Variants in HDAC9 observed in about 807,000 individuals in gnomAD.
HDAC9 encodes histone deacetylase 9, also known as MEF-2 interacting transcription repressor (MITR) protein.
HDAC9 carries 41 observed loss-of-function variants against 139.4 expected under a neutral mutation model. The ratio of observed to expected loss-of-function variants is 0.29; its 90% CI spans 0.23 to 0.38. The LOEUF (loss-of-function observed/expected upper bound fraction) is 0.38, where lower values mean the gene tolerates loss of function less well. Among genes scored for constraint, HDAC9 ranks in the 10% least tolerant of loss-of-function variants. The probability of loss-of-function intolerance (pLI) is 1.00; values close to 1 mark genes in which losing one functional copy is unlikely to be tolerated. For synonymous variants in HDAC9, 517 were observed against 476.2 expected (o/e 1.09, Z -1.12); for missense variants, 1,147 against 1,297.0 (o/e 0.88, Z 1.78).
rs778554579 is a variant in HDAC9 at position 18,585,498 on chromosome 7, G to T, written c.240G>T (p.Gln80His). Reference protein sequence around the residue: ...KQHENLTRQHQAQLQEHIKLQ... With the variant: ...KQHENLTRQHHAQLQEHIKLQ... ...ATGAGAACTTGACACGGCAGCACCA[G>T]GCTCAGCTTCAGGAGCATATCAAGG... The change falls in exon 3 of 26, where the codon CAG becomes CAT. Residue 80 changes from glutamine to histidine, a missense_variant. This residue lies in a region of HDAC9 where 136 missense variants were observed against 183.5 expected (regional missense o/e 0.74). Coordinates refer to ENST00000686413, the MANE Select transcript of HDAC9 (RefSeq NM_178425.4). The T allele has an allele frequency of 6.2e-7, 1 of 1,613,672 alleles. No homozygotes were observed. The highest frequency in any genetic ancestry group is 2.2e-5 in the East Asian group (1 of 44,892).
At chr7:18,439,482 T>G (rs1791538302) in intron 1 of HDAC9, among the ~76,000 whole-genome samples, 1 of 152,160 alleles carries the variant, frequency 6.6e-6, no homozygotes, top group Non-Finnish European at 1.5e-5. Context: ...ATCTCACGTC[T>G]GCTTCATCAG....
chr7:18,106,665 G>C (rs1489186099), intron 1 of HDAC9, among the ~76,000 whole-genome samples: 1 of 152,114 alleles, frequency 6.6e-6, no homozygotes, highest in Non-Finnish European at 1.5e-5. Context: ...TGTTAGCCAG[G>C]CTGGTCTTGA....
At chr7:18,140,224 T>C (rs1785797622) in intron 1 of HDAC9, among the ~76,000 whole-genome samples, 1 of 152,100 alleles carries the variant, frequency 6.6e-6, no homozygotes, top group Non-Finnish European at 1.5e-5. Context: ...GACCTTCTGA[T>C]AGGAAAACAG....
intron 17 of HDAC9, among the ~76,000 whole-genome samples, chr7:18,804,057 A>G (rs1328534972): frequency 6.6e-6 from 1 of 152,204 alleles, no homozygotes; most frequent in Admixed American, 6.5e-5. Context: ...TCATGTGAAA[A>G]TGTGTTATGG....
chr7:18,368,009 T>C (rs571663192), intron 1 of HDAC9, among the ~76,000 whole-genome samples: 1 of 152,112 alleles, frequency 6.6e-6, no homozygotes, highest in African/African-American at 2.4e-5. Context: ...CTACTTTCTT[T>C]TGAATTGTTT....
intron 1 of HDAC9, among the ~76,000 whole-genome samples, chr7:18,114,678 A>T (rs1174085122): frequency 6.6e-6 from 1 of 152,212 alleles, no homozygotes; most frequent in Non-Finnish European, 1.5e-5. Context: ...TTGAAAGGGA[A>T]CCAATATTAA....
chr7:18,890,627 A>G (rs749286280), intron 22 of HDAC9, among the ~76,000 whole-genome samples: 4 of 152,254 alleles, frequency 2.6e-5, no homozygotes, highest in Non-Finnish European at 4.4e-5. Context: ...GCTCAAGATA[A>G]ATACAAAGAA....
At chr7:18,131,069 C>T (rs1584228407) in intron 1 of HDAC9, among the ~76,000 whole-genome samples, 1 of 152,104 alleles carries the variant, frequency 6.6e-6, no homozygotes, top group Non-Finnish European at 1.5e-5. Flanking sequence ...TGTGCTCTTT[C>T]ACCTAAAAGA....
At chr7:18,819,816 A>G (rs1794831604) in intron 17 of HDAC9, among the ~76,000 whole-genome samples, 1 of 152,248 alleles carries the variant, frequency 6.6e-6, no homozygotes, top group African/African-American at 2.4e-5. Flanking sequence ...GAAATGTTAC[A>G]AATCAGTTTA....
intron 1 of HDAC9, among the ~76,000 whole-genome samples, chr7:18,291,983 C>T (rs967268788): frequency 3.3e-5 from 5 of 152,116 alleles, no homozygotes; most frequent in African/African-American, 1.2e-4. Flanking sequence ...TCTTATGCAT[C>T]CATCTCTGAT....
chr7:18,718,236 G>GT (rs199898545), intron 12 of HDAC9, among the ~76,000 whole-genome samples: 2,486 of 152,036 alleles, frequency 0.016, 23 homozygotes, highest in Admixed American at 0.026. Flanking sequence ...TTTTTTGTTT[G>GT]TTTTTTTGTT....
chr7:18,639,364 G>A (rs2129005228), intron 8 of HDAC9, among the ~76,000 whole-genome samples: 2 of 152,092 alleles, frequency 1.3e-5, no homozygotes, highest in South Asian at 4.1e-4. Context: ...TCATTTACTA[G>A]GAATAACATG....
intron 1 of HDAC9, among the ~76,000 whole-genome samples, chr7:18,374,570 T>C (rs1784846537): frequency 6.6e-6 from 1 of 151,654 alleles, no homozygotes; most frequent in Non-Finnish European, 1.5e-5. Flanking sequence ...GGTAATGCAT[T>C]TGGCTACAAC....
chr7:18,316,484 G>T (rs2128630782), intron 1 of HDAC9, among the ~76,000 whole-genome samples: 1 of 151,958 alleles, frequency 6.6e-6, no homozygotes, highest in African/African-American at 2.4e-5. Context: ...AGTCCTCTTT[G>T]GAATAAGATT....
intron 12 of HDAC9, among the ~76,000 whole-genome samples, chr7:18,682,361 G>A (rs1185876760): frequency 6.6e-6 from 1 of 151,868 alleles, no homozygotes; most frequent in Non-Finnish European, 1.5e-5. Context: ...GTAATTTATA[G>A]TTCTTTGTGT....
At chr7:18,577,833 C>T (rs936571243) in intron 2 of HDAC9, among the ~76,000 whole-genome samples, 4 of 151,986 alleles carry the variant, frequency 2.6e-5, no homozygotes, top group Non-Finnish European at 4.4e-5. Flanking sequence ...CGGTGAAACT[C>T]GTCTGTGGTA....
At chr7:18,590,853 C>T (rs1030717219) in intron 4 of HDAC9, among the ~76,000 whole-genome samples, 15 of 146,368 alleles carry the variant, frequency 1.0e-4, no homozygotes, top group Non-Finnish European at 3.1e-5. Flanking sequence ...AATAATTGCT[C>T]TCTAAGTAAA....
chr7:18,097,835 A>T (rs1424737625), intron 1 of HDAC9, among the ~76,000 whole-genome samples: 2 of 152,082 alleles, frequency 1.3e-5, no homozygotes, highest in African/African-American at 4.8e-5. Flanking sequence ...AGTAACTGAG[A>T]TTATAGGAGT....
intron 2 of HDAC9, among the ~76,000 whole-genome samples, chr7:18,508,702 A>G (rs1800539199): frequency 2.0e-5 from 3 of 152,074 alleles, no homozygotes; most frequent in Non-Finnish European, 4.4e-5. Flanking sequence ...TTTCTCAGAA[A>G]CCCAAAAGAA....
Sources: allele counts gnomAD v4.1 joint callset (sites outside exome capture counted in the v4.1 genomes callset), GRCh38; gene constraint gnomAD v4.1.1; regional missense constraint gnomAD v4.1.1; transcripts MANE v1.5; gene names NCBI Gene and HGNC (gene_info 2026-07-23, HGNC 2026-07-21).